ABCB6: variants seen among roughly 807,000 people sequenced by gnomAD.
The protein encoded by ABCB6 is ATP-binding cassette sub-family B member 6.
ABCB6 carries 87 observed loss-of-function variants against 99.4 expected under a neutral mutation model. That is an observed-to-expected ratio of 0.88 (90% CI 0.74 to 1.05). The LOEUF (loss-of-function observed/expected upper bound fraction) is 1.05, where lower values mean the gene tolerates loss of function less well. Among genes scored for constraint, ABCB6 ranks in the 50% least tolerant of loss-of-function variants. The probability of loss-of-function intolerance (pLI) is 0.00; values close to 1 mark genes in which losing one functional copy is unlikely to be tolerated. For missense variants in ABCB6, 1,050 were observed against 1,097.9 expected (o/e 0.96, Z 0.62); for synonymous variants, 482 against 447.5 (o/e 1.08, Z -0.97).
In ABCB6 at chr2:219,210,767, G is replaced by A. The variant is rs748165114; in HGVS notation, c.2200C>T (p.Arg734Cys). The A allele has an allele frequency of 8.7e-6, 14 of 1,613,730 alleles. No homozygotes were observed. The South Asian group carries it at 1.3e-4, about 15-fold the overall frequency. ...AGGATGGTGCGGGCAATGGCGACGC[G>A]CTGCTTCTCCCCGCCGCTCAGCTTC... ...GLKLSGGEKQ[R>C]VAIARTILKA... The change falls in exon 16 of 19, where the codon CGC becomes TGC. Residue 734 changes from arginine (R) to cysteine (C), a missense_variant. Arg to Cys is a radical substitution (Grantham distance 180). Coordinates refer to ENST00000265316, the MANE Select transcript of ABCB6 (RefSeq NM_005689.4).
In ABCB6 at chr2:219,210,232, T is replaced by TC. The variant is rs1266119754; in HGVS notation, c.2417dup (p.Arg807ThrfsTer14). On this transcript the variant is annotated frameshift_variant, in exon 18 of 19. Coordinates refer to ENST00000265316, the MANE Select transcript of ABCB6 (RefSeq NM_005689.4). LOFTEE classifies it high-confidence loss of function. ...CTTTTGATCTATGTGTCTCTTACCG[T>TC]CCCCTCTCCACGATGCAGCCATCCT... 1 of 1,613,954 alleles carries TC rather than the reference T, an allele frequency of 6.2e-7. No individual in the cohort carries two copies. Among genetic ancestry groups the TC allele is most frequent in the African/African-American group, 1.3e-5 (1 of 74,890 alleles).
At chr2:219,210,524 A>G (rs891471440) in intron 16 of ABCB6, 49 bp from the exon 17 acceptor site, 8 of 1,604,870 alleles carry the variant, frequency 5.0e-6, no homozygotes, top group African/African-American at 4.0e-5. Context: ...AAAACCCTCA[A>G]TGGAAGGAGG....
chr2:219,217,719 G>C lies in ABCB6; in HGVS notation c.638C>G (p.Ser213Cys). The change falls in exon 2 of 19, where the codon TCC becomes TGC. Residue 213 changes from serine to cysteine, a missense_variant. Coordinates refer to ENST00000265316, the MANE Select transcript of ABCB6 (RefSeq NM_005689.4). ...CTCTTCATGAACCTGCAATGTATAG[G>C]ACTGGGGACGAAGTCCAGGGGCCCA... ...GLWAPGLRPQ[S>C]YTLQVHEEDQ... 1 of 1,613,972 alleles carries C rather than the reference G, an allele frequency of 6.2e-7. No homozygotes were observed. The highest frequency in any genetic ancestry group is 8.5e-7 in the Non-Finnish European group (1 of 1,179,970).
chr2:219,213,800 C>T (rs781458211), intron 9 of ABCB6, 26 bp downstream of exon 9: 30 of 1,613,654 alleles, frequency 1.9e-5, no homozygotes, highest in Non-Finnish European at 2.5e-5. Context: ...TTGTGCCCCA[C>T]TCTCTCATCC....
rs1950644608 is a variant in ABCB6, at chr2:219,216,549, C to T, written c.869-84G>A. On this transcript the variant is annotated intron_variant, in intron 3 of 18. Coordinates refer to ENST00000265316, the MANE Select transcript of ABCB6 (RefSeq NM_005689.4). The surrounding 1 kb of genome is among the most constrained non-coding windows in gnomAD (Gnocchi z 4.2). ...TGGCCCCAGGTACCAGCCACAGTCT[C>T]TTTCTGACCACCCAGCTCTGTCCCA... 2.6e-6 allele frequency: 4 copies of T among 1,551,222 alleles called. No homozygotes were observed. The Admixed American group carries it at 5.6e-5, about 22-fold the overall frequency.
intron 14 of ABCB6, among the ~76,000 whole-genome samples, chr2:219,211,807 A>T (rs1460535439): frequency 7.3e-6 from 1 of 137,706 alleles, no homozygotes; most frequent in Non-Finnish European, 1.5e-5. Context: ...ACTCTTGCCC[A>T]GGCTGGAGTG....
Position 219,216,764 on chromosome 2 carries a change from G to A in ABCB6, c.756C>T (p.Tyr252=), listed in dbSNP as rs774781675. The A allele has an allele frequency of 1.8e-5, 29 of 1,611,526 alleles. No homozygotes were observed. The highest frequency in any genetic ancestry group is 2.5e-5 in the Non-Finnish European group (29 of 1,179,310). Residue 252 remains tyrosine (Y), a synonymous_variant, in exon 3 of 19, where the codon TAC becomes TAT. Transcript: ENST00000265316. The surrounding 1 kb of genome is among the most constrained non-coding windows in gnomAD (Gnocchi z 4.2). ...FGRKLRLLSG[Y]LWPRGSPALQ... is the part of the protein sequence containing the mutation. ...GAGCTGGACTCCCTCGAGGCCACAGGTAGCCACTCAGGAGGCGGAGCTTCC... is the reference window on the plus strand; with the variant it reads ...GAGCTGGACTCCCTCGAGGCCACAGATAGCCACTCAGGAGGCGGAGCTTCC...
At position 219,214,204 on chromosome 2, in the gene ABCB6, A is replaced by C. The variant is rs778809252; in HGVS notation, c.1387-18T>G. ...TACTTCACCTGATGAATTCAAACCA[A>C]ATTTATTTGGCATGGGCACAGCACA... is the stretch of plus-strand genomic sequence containing the variant. On this transcript the variant is annotated intron_variant, in intron 7 of 18. Transcript: ENST00000265316. 1 of 1,613,706 alleles carries C rather than the reference A, an allele frequency of 6.2e-7. No individual in the cohort carries two copies. Among genetic ancestry groups the C allele is most frequent in the Admixed American group, 1.7e-5 (1 of 60,016 alleles).
At chr2:219,213,108 C>G (rs1268188316) in intron 12 of ABCB6, 43 bp from the exon 13 acceptor site, 2 of 1,611,108 alleles carry the variant, frequency 1.2e-6, no homozygotes, top group South Asian at 2.2e-5. Flanking sequence ...CCTTCCATCA[C>G]CAGAGCTGCT....
intron 1 of ABCB6, 61 bp downstream of exon 1, chr2:219,218,064 T>A: frequency 6.5e-6 from 10 of 1,530,452 alleles, no homozygotes; most frequent in Non-Finnish European, 8.8e-6. Context: ...TGACTGGACA[T>A]GCAGTGCTTT....
intron 5 of ABCB6, 148 bp downstream of exon 5, chr2:219,215,849 A>G (rs977349526): frequency 3.8e-6 from 3 of 783,734 alleles, no homozygotes; most frequent in Non-Finnish European, 5.5e-6. Context: ...TTATTAGGAG[A>G]GCATGTATAC....
intron 16 of ABCB6, 69 bp downstream of exon 16, chr2:219,210,642 G>T: frequency 6.2e-7 from 1 of 1,608,438 alleles, no homozygotes; most frequent in Non-Finnish European, 8.5e-7. Flanking sequence ...TCTAGGTGGG[G>T]ACAGTGCCCA....
intron 7 of ABCB6, 58 bp from the exon 8 acceptor site, chr2:219,214,244 T>C: frequency 6.4e-7 from 1 of 1,567,698 alleles, no homozygotes; most frequent in Non-Finnish European, 8.8e-7. Context: ...ACTCGGGTCA[T>C]TCCCCCCAAC....
chr2:219,214,532 C>T, intron 6 of ABCB6, 34 bp from the exon 7 acceptor site: 1 of 1,467,588 alleles, frequency 6.8e-7, no homozygotes, highest in Non-Finnish European at 9.6e-7. Flanking sequence ...CAGAATAGGA[C>T]ATCATCCCCA....
At position 219,217,774 on chromosome 2, in the gene ABCB6, C is replaced by G; in HGVS notation, c.583G>C (p.Val195Leu). ...QFSLWVLRYV[V>L]SGGLFVLGLW... ...CCCAGGACAAACAGCCCTCCAGAGA[C>G]CACATACCGCAGCACCCACAGGCTA... The change falls in exon 2 of 19, where the codon GTC becomes CTC. Residue 195 changes from valine to leucine, a missense_variant. Val to Leu is a conservative substitution (Grantham distance 32, BLOSUM62 1). Transcript: ENST00000265316. The G allele has an allele frequency of 6.2e-7, 1 of 1,614,028 alleles. No homozygotes were observed. Among genetic ancestry groups the G allele is most frequent in the Non-Finnish European group, 8.5e-7 (1 of 1,179,980 alleles).
chr2:219,212,968 G>T (rs763984294), intron 13 of ABCB6, 40 bp downstream of exon 13: 2 of 1,607,878 alleles, frequency 1.2e-6, no homozygotes, highest in East Asian at 2.2e-5. Flanking sequence ...AATGAGGGAA[G>T]CTTGAGGCAT....
chr2:219,218,506 G>T lies in ABCB6; in HGVS notation c.168C>A (p.Pro56=), dbSNP rs763133963. Residue 56 remains proline, a synonymous_variant, in exon 1 of 19, where the codon CCC becomes CCA. Transcript: ENST00000265316. ...CCCAAGACAGCGAATCAGCACCAGC[G>T]GGCCGCTCCCGGCGTCTGCAGGGAA... is the stretch of plus-strand genomic sequence containing the variant. ...LALPCRRRER[P]AGADSLSWGA... The T allele has an allele frequency of 5.6e-6, 9 of 1,609,402 alleles. No individual in the cohort carries two copies. In the South Asian group the frequency reaches 9.9e-5, roughly 18 times the overall value.
At position 219,218,581 on chromosome 2, in the gene ABCB6, G is replaced by C. The variant is rs1391036234; in HGVS notation, c.93C>G (p.Leu31=). 1.2e-6 allele frequency: 2 copies of C among 1,612,666 alleles called. No homozygotes were observed. Among genetic ancestry groups the C allele is most frequent in the Non-Finnish European group, 1.7e-6 (2 of 1,179,700 alleles). The part of the protein sequence containing the change: ...DGLSPCFFFT[L]VPSTRMALGT... Reference sequence around the variant, plus strand: ...CCAGAGCCATCCGCGTCGAGGGCACGAGCGTGAAGAAGAAGCAGGGACTCA... The same window carrying C: ...CCAGAGCCATCCGCGTCGAGGGCACCAGCGTGAAGAAGAAGCAGGGACTCA... The change falls in exon 1 of 19, where the codon CTC becomes CTG. Residue 31 remains leucine (L), a synonymous_variant. Transcript: ENST00000265316.
chr2:219,218,381 G>C lies in ABCB6; in HGVS notation c.293C>G (p.Ala98Gly). Residue 98 changes from alanine to glycine, a missense_variant, in exon 1 of 19, where the codon GCC becomes GGC. Transcript: ENST00000265316. The part of the protein sequence containing the change: ...LAGLAGRVGT[A>G]RGAPLPSYLL... ...ATAGCTTGGCAGTGGGGCCCCCCGG[G>C]CAGTGCCCACCCGGCCAGCCAGGCC... 3 of 1,612,614 alleles carry C rather than the reference G, an allele frequency of 1.9e-6. No homozygotes were observed. The highest frequency in any genetic ancestry group is 2.5e-6 in the Non-Finnish European group (3 of 1,179,778).
Sources: allele counts gnomAD v4.1 joint callset (sites outside exome capture counted in the v4.1 genomes callset), GRCh38; gene constraint gnomAD v4.1.1; non-coding constraint Gnocchi (gnomAD v3.1); transcripts MANE v1.5; gene names NCBI Gene and HGNC (gene_info 2026-07-23, HGNC 2026-07-21).